Variants in CNTNAP2 observed in about 807,000 individuals in gnomAD.
The protein encoded by CNTNAP2 is contactin-associated protein-like 2.
A neutral mutation model predicts 155.2 loss-of-function variants in CNTNAP2; 98 were observed. The ratio of observed to expected loss-of-function variants is 0.63; its 90% CI spans 0.54 to 0.75. The LOEUF (loss-of-function observed/expected upper bound fraction) is 0.75. CNTNAP2 is among the 30% of genes least tolerant of loss of function. CNTNAP2 has a pLI of 0.00. For synonymous variants in CNTNAP2, 651 were observed against 631.2 expected, an observed-to-expected ratio of 1.03 and a Z score of -0.47; for missense variants, 1,727 against 1,688.1, an observed-to-expected ratio of 1.02 and a Z score of -0.40.
Position 147,610,975 on chromosome 7 carries a change from A to T in CNTNAP2, c.1898-28131A>T, listed in dbSNP as rs146520923. ...GGCTGGTCTCAAACTCCTGAGCTCA[A>T]GTGATCTGCCCACCTCAGCCTCCCA... is the stretch of plus-strand genomic sequence containing the variant. On this transcript the variant is annotated intron_variant, in intron 12 of 23. Transcript: ENST00000361727. 2.4e-4 allele frequency among the ~76,000 whole-genome samples: 36 copies of T among 152,186 alleles called. 1 individual carries two copies. The East Asian group carries it at 6.4e-3, about 27-fold the overall frequency.
chr7:146,168,121 G>A (rs543749471), intron 1 of CNTNAP2, among the ~76,000 whole-genome samples: 15 of 152,174 alleles, frequency 9.9e-5, no homozygotes, highest in Admixed American at 5.2e-4. Flanking sequence ...ATTACATGGT[G>A]CCCACCCAGA....
Position 146,437,888 on chromosome 7 carries a change from T to C in CNTNAP2, c.97+320915T>C, listed in dbSNP as rs1052153934. 3.2e-4 allele frequency among the ~76,000 whole-genome samples: 48 copies of C among 151,520 alleles called. 1 individual carries two copies. Among genetic ancestry groups the C allele is most frequent in the African/African-American group, 9.8e-4 (40 of 40,856 alleles). Reference sequence around the variant, plus strand: ...GTGCAATTCCCCAATCTCGTTTTTTTTTTTGTTTGTTTTTGTCCCCTTTCT... The same window carrying C: ...GTGCAATTCCCCAATCTCGTTTTTTCTTTTGTTTGTTTTTGTCCCCTTTCT... On this transcript the variant is annotated intron_variant, in intron 1 of 23. Transcript: ENST00000361727.
In CNTNAP2 at chr7:146,578,422, C is replaced by T. The variant is rs560864116; in HGVS notation, c.98-195849C>T. ...TAGACACATGCATGTTGTTCATCCT[C>T]AGCTCCAGAAAAACACAACCTTAAC... is the stretch of plus-strand genomic sequence containing the variant. On this transcript the variant is annotated intron_variant, in intron 1 of 23. Transcript: ENST00000361727. 1.3e-3 allele frequency among the ~76,000 whole-genome samples: 193 copies of T among 152,220 alleles called. 1 individual carries two copies. The highest frequency in any genetic ancestry group is 4.4e-3 in the African/African-American group (182 of 41,576).
chr7:147,931,591 A>G lies in CNTNAP2; in HGVS notation c.2255+27870A>G, dbSNP rs1800504916. Among the ~76,000 whole-genome samples the G allele has an allele frequency of 1.3e-5, 2 of 152,208 alleles. 1 individual carries two copies. The highest frequency in any genetic ancestry group is 2.9e-5 in the Non-Finnish European group (2 of 68,042). ...CAACAGCATATCAAAAAGATCATAC[A>G]CCACAACCAGGTAGGAAGAAGGATG... On this transcript the variant is annotated intron_variant, in intron 14 of 23. Coordinates refer to ENST00000361727, the MANE Select transcript of CNTNAP2 (RefSeq NM_014141.6).
At chr7:147,106,814 T>A (rs944356740) in intron 4 of CNTNAP2, among the ~76,000 whole-genome samples, 1 of 152,170 alleles carries the variant, frequency 6.6e-6, no homozygotes, top group Admixed American at 6.6e-5. Flanking sequence ...GCATCTCTAC[T>A]GTGGCCCCCA....
intron 21 of CNTNAP2, among the ~76,000 whole-genome samples, chr7:148,313,648 T>A (rs1797635612): frequency 6.6e-6 from 1 of 152,158 alleles, no homozygotes; most frequent in Middle Eastern, 3.2e-3. Flanking sequence ...CAGAAATACA[T>A]TGCTACTTGG....
intron 16 of CNTNAP2, among the ~76,000 whole-genome samples, chr7:148,145,402 C>T (rs1339395156): frequency 1.3e-5 from 2 of 152,152 alleles, no homozygotes; most frequent in East Asian, 3.9e-4. Flanking sequence ...CAAGTAGTGA[C>T]AGTTTGAAGA....
chr7:148,020,700 T>C (rs960110179), intron 15 of CNTNAP2, among the ~76,000 whole-genome samples: 3 of 152,220 alleles, frequency 2.0e-5, no homozygotes, highest in African/African-American at 7.2e-5. Flanking sequence ...CTTAAAACCA[T>C]AGAATCTGGC....
chr7:147,842,666 T>C (rs1798771675), intron 13 of CNTNAP2, among the ~76,000 whole-genome samples: 1 of 112,716 alleles, frequency 8.9e-6, no homozygotes, highest in African/African-American at 3.4e-5. Context: ...TATGTATACA[T>C]GTGCCATGCT....
At chr7:146,541,053 A>G (rs1001106094) in intron 1 of CNTNAP2, among the ~76,000 whole-genome samples, 9 of 152,068 alleles carry the variant, frequency 5.9e-5, no homozygotes, top group African/African-American at 2.2e-4. Context: ...TCCACTATTA[A>G]TCCTTTTAGT....
chr7:147,852,124 C>T (rs1249448353), intron 13 of CNTNAP2, among the ~76,000 whole-genome samples: 1 of 152,158 alleles, frequency 6.6e-6, no homozygotes, highest in African/African-American at 2.4e-5. Context: ...TGCACAACCT[C>T]ACGGTCCTCA....
intron 13 of CNTNAP2, among the ~76,000 whole-genome samples, chr7:147,801,858 G>T (rs1271265537): frequency 1.3e-4 from 20 of 151,958 alleles, no homozygotes; most frequent in Non-Finnish European, 1.9e-4. Context: ...CAGACGGGGG[G>T]GGCGGCCGGG....
At chr7:147,780,817 G>A (rs1797650985) in intron 13 of CNTNAP2, among the ~76,000 whole-genome samples, 1 of 152,206 alleles carries the variant, frequency 6.6e-6, no homozygotes, top group Non-Finnish European at 1.5e-5. Context: ...TCAGGTATGT[G>A]CCTTAGGAAG....
chr7:147,910,802 G>T (rs1282911095), intron 14 of CNTNAP2, among the ~76,000 whole-genome samples: 1 of 152,104 alleles, frequency 6.6e-6, no homozygotes, highest in Non-Finnish European at 1.5e-5. Flanking sequence ...TCTCCACCTG[G>T]TCCCGCCCTT....
intron 22 of CNTNAP2, among the ~76,000 whole-genome samples, chr7:148,406,177 A>T (rs1799700552): frequency 6.6e-6 from 1 of 152,022 alleles, no homozygotes; most frequent in Non-Finnish European, 1.5e-5. Flanking sequence ...GCTTGCAGTG[A>T]GCTGAGATCG....
At chr7:147,736,876 G>T (rs558181113) in intron 13 of CNTNAP2, among the ~76,000 whole-genome samples, 6 of 152,136 alleles carry the variant, frequency 3.9e-5, no homozygotes, top group Non-Finnish European at 5.9e-5. Flanking sequence ...GCTCCATCAG[G>T]TCCTTTAAGG....
chr7:148,019,762 G>T (rs934887623), intron 15 of CNTNAP2, among the ~76,000 whole-genome samples: 1 of 149,480 alleles, frequency 6.7e-6, no homozygotes, highest in Admixed American at 6.7e-5. Context: ...CATTCTCAGG[G>T]TATTCTTTTT....
At chr7:146,835,722 T>G (rs2129199621) in intron 2 of CNTNAP2, among the ~76,000 whole-genome samples, 1 of 152,300 alleles carries the variant, frequency 6.6e-6, no homozygotes, top group South Asian at 2.1e-4. Context: ...ATACACATCC[T>G]GAGATGAAAA....
At chr7:146,916,722 A>T (rs916289251) in intron 3 of CNTNAP2, among the ~76,000 whole-genome samples, 2 of 151,908 alleles carry the variant, frequency 1.3e-5, no homozygotes, top group African/African-American at 4.8e-5. Flanking sequence ...TTTTTGGTTA[A>T]TCTCACTAAT....
Sources: gnomAD v4.1 joint callset for allele counts (sites outside exome capture counted in the v4.1 genomes callset) on GRCh38, gnomAD v4.1.1 for gene constraint, MANE v1.5 for transcripts, NCBI Gene and HGNC (gene_info 2026-07-23, HGNC 2026-07-21) for gene names.